FGD6: variants seen among roughly 807,000 people sequenced by gnomAD.
The protein encoded by FGD6 is FYVE, RhoGEF and PH domain-containing protein 6.
Under a neutral mutation model 149.4 loss-of-function variants are expected in FGD6, and 90 were observed. That is an observed-to-expected ratio of 0.60 (90% CI 0.51 to 0.72). FGD6 has a LOEUF of 0.72. Ranked by LOEUF, FGD6 falls within the 30% of genes least tolerant of loss-of-function variation. FGD6 has a pLI of 0.00. For missense variants in FGD6, 1,437 were observed against 1,684.8 expected (o/e 0.85, Z 2.57); for synonymous variants, 527 against 584.0 (o/e 0.90, Z 1.41).
At chr12:95,124,322 GCTGTT>G (rs1879274755) in intron 8 of FGD6, among the ~76,000 whole-genome samples, 2 of 152,184 alleles carry the variant, frequency 1.3e-5, no homozygotes, top group Admixed American at 6.5e-5. Flanking sequence ...CTTAAAAGAA[GCTGTT>G]ACCCATATTT....
chr12:95,201,471 C>G (rs538984347), intron 2 of FGD6, among the ~76,000 whole-genome samples: 1 of 152,064 alleles, frequency 6.6e-6, no homozygotes, highest in Non-Finnish European at 1.5e-5. Context: ...TTCTTGTGGG[C>G]GGGCTGGGAA....
At position 95,193,732 on chromosome 12, in the gene FGD6, T is replaced by C. The variant is rs1026674875; in HGVS notation, c.2441+15111A>G. 5.9e-5 allele frequency among the ~76,000 whole-genome samples: 9 copies of C among 152,156 alleles called. No individual in the cohort carries two copies. The East Asian group carries it at 1.5e-3, about 26-fold the overall frequency. On this transcript the variant is annotated intron_variant, in intron 2 of 20. Transcript: ENST00000343958. The stretch of plus-strand genomic sequence containing the variant: ...TCAGTAGAGACAGGGTTTCACCATG[T>C]TGGCCAGGCTGGTCTCAAACTCCTG...
intron 3 of FGD6, among the ~76,000 whole-genome samples, chr12:95,168,969 G>GGTGTGGCT (rs1880908340): frequency 6.6e-6 from 1 of 152,252 alleles, no homozygotes; most frequent in African/African-American, 2.4e-5. Context: ...GCTGTGGCCA[G>GGTGTGGCT]ATGGATTAAC....
chr12:95,119,916 T>C (rs1415253113), intron 8 of FGD6, among the ~76,000 whole-genome samples: 1 of 151,420 alleles, frequency 6.6e-6, no homozygotes, highest in Non-Finnish European at 1.5e-5. Context: ...CAAGACTCCA[T>C]CTCAAAAAAA....
At chr12:95,200,489 T>C (rs1237497046) in intron 2 of FGD6, among the ~76,000 whole-genome samples, 4 of 152,192 alleles carry the variant, frequency 2.6e-5, no homozygotes, top group Non-Finnish European at 1.5e-5. Context: ...TCATTTTTCA[T>C]GAAATCACTT....
intron 2 of FGD6, among the ~76,000 whole-genome samples, chr12:95,191,462 C>T (rs999952091): frequency 2.0e-5 from 3 of 152,202 alleles, no homozygotes; most frequent in Non-Finnish European, 4.4e-5. Context: ...ACTCAAAATG[C>T]AGCTGGATTC....
In FGD6 at chr12:95,192,024, G is replaced by A. The variant is rs1321803000; in HGVS notation, c.2441+16819C>T. On this transcript the variant is annotated intron_variant, in intron 2 of 20. Transcript: ENST00000343958. ...ATTACAGGCATGAGCCACCACTCGC[G>A]GCTCCTCCTGTATACTTTAAATCAC... Among the ~76,000 whole-genome samples, 3 of 152,100 alleles carry A rather than the reference G, an allele frequency of 2.0e-5. No homozygotes were observed. The East Asian group carries it at 5.8e-4, about 29-fold the overall frequency.
intron 14 of FGD6, chr12:95,100,681 T>C: frequency 1.9e-6 from 1 of 539,108 alleles, no homozygotes; most frequent in Non-Finnish European, 3.8e-6. Flanking sequence ...GGCACCAGAA[T>C]TCACCAAGAG....
At chr12:95,149,330 A>AATATATTATATAATATATATC (rs1880212340) in intron 5 of FGD6, among the ~76,000 whole-genome samples, 1 of 90,556 alleles carries the variant, frequency 1.1e-5, no homozygotes, top group African/African-American at 4.4e-5. Context: ...TATATTATAT[A>AATATATTATATAATATATATC]ATATATTATA....
chr12:95,202,062 T>C (rs1372780339), intron 2 of FGD6, among the ~76,000 whole-genome samples: 1 of 152,016 alleles, frequency 6.6e-6, no homozygotes, highest in Non-Finnish European at 1.5e-5. Context: ...AAAATATGTC[T>C]CTAAAAGTGT....
At position 95,094,838 on chromosome 12, in the gene FGD6, G is replaced by C. The variant is rs939626825; in HGVS notation, c.3498-144C>G. 8.0e-6 allele frequency: 5 copies of C among 626,218 alleles called. No individual in the cohort carries two copies. The East Asian group carries it at 1.3e-4, about 17-fold the overall frequency. The allele number at this position is 626,218 out of a possible 1,614,324, so 38.8% of individuals were successfully genotyped here. A position where few individuals can be genotyped will look rare whatever the true frequency, so the allele number is the denominator to read the frequency against. On this transcript the variant is annotated intron_variant, in intron 14 of 20. Transcript: ENST00000343958. ...GTAGCAACTCCTCAGAGTTGAGGCA[G>C]GTTTAGTGAACAGATCATCAGAACA...
rs1276700389 is a variant in FGD6, at chr12:95,089,682, G to A, written c.3865C>T (p.Pro1289Ser). ...ELQKLDHQHS[P>S]RIGSPGNHKS... ...TGATTTCCAGGAGATCCAATCCTAG[G>A]GGAGTGCTGGTGATCTAGAACAAAT... Residue 1289 changes from proline (P) to serine (S), a missense_variant, in exon 18 of 21, where the codon CCT becomes TCT. This residue lies in a region of FGD6 where 382 missense variants were observed against 538.7 expected (regional missense o/e 0.71). Coordinates refer to ENST00000343958, the MANE Select transcript of FGD6 (RefSeq NM_018351.4). 13 of 1,613,716 alleles carry A rather than the reference G, an allele frequency of 8.1e-6. No homozygotes were observed. Among genetic ancestry groups the A allele is most frequent in the Non-Finnish European group, 1.0e-5 (12 of 1,179,768 alleles).
intron 3 of FGD6, among the ~76,000 whole-genome samples, chr12:95,155,428 T>C (rs1258871016): frequency 6.6e-6 from 1 of 152,120 alleles, no homozygotes; most frequent in African/African-American, 2.4e-5. Context: ...CTCGGGAGGC[T>C]GAGGCAGGAG....
intron 6 of FGD6, 63 bp downstream of exon 6, chr12:95,141,325 G>A (rs1879835374): frequency 6.6e-7 from 1 of 1,509,916 alleles, no homozygotes; most frequent in South Asian, 1.2e-5. Context: ...TCACATGTGG[G>A]GCCCTTATGG....
intron 2 of FGD6, among the ~76,000 whole-genome samples, chr12:95,195,373 C>G (rs1414109319): frequency 1.3e-5 from 2 of 151,998 alleles, no homozygotes; most frequent in Non-Finnish European, 2.9e-5. Flanking sequence ...ATAACAAAAG[C>G]CTTCAGAGCA....
rs561553370 is a variant in FGD6, at chr12:95,102,405, C to T, written c.3497+2602G>A. ...GCTGCAGTCAGCCGAGATCGTGCCA[C>T]TGCACTCCAGCCTGGGTGACAGAGC... On this transcript the variant is annotated intron_variant, in intron 14 of 20. Transcript: ENST00000343958. 2.1e-5 allele frequency among the ~76,000 whole-genome samples: 3 copies of T among 142,140 alleles called. No individual in the cohort carries two copies. In the South Asian group the frequency reaches 6.9e-4, roughly 33 times the overall value. 93.2% of individuals were successfully genotyped at this position (142,140 alleles called of 152,430 possible). A position where few individuals can be genotyped will look rare whatever the true frequency, so the allele number is the denominator to read the frequency against.
At chr12:95,188,160 A>C (rs930192781) in intron 2 of FGD6, among the ~76,000 whole-genome samples, 16 of 91,128 alleles carry the variant, frequency 1.8e-4, no homozygotes, top group Non-Finnish European at 4.0e-4. Flanking sequence ...TATAAAGCAA[A>C]GAGTCCTATT....
chr12:95,213,334 C>T (rs938154402), intron 1 of FGD6, among the ~76,000 whole-genome samples: 2 of 152,044 alleles, frequency 1.3e-5, no homozygotes, highest in Admixed American at 6.5e-5. Context: ...ATCCCAGCAC[C>T]TTGGGAGGGC....
chr12:95,103,379 G>A (rs1212080016), intron 14 of FGD6, among the ~76,000 whole-genome samples: 1 of 152,062 alleles, frequency 6.6e-6, no homozygotes, highest in South Asian at 2.1e-4. Flanking sequence ...ACCCACTTCC[G>A]CCACTCAGTC....
Sources: gnomAD v4.1 joint callset for allele counts (sites outside exome capture counted in the v4.1 genomes callset) on GRCh38, gnomAD v4.1.1 for gene constraint, gnomAD v4.1.1 regional missense constraint, MANE v1.5 for transcripts, NCBI Gene and HGNC (gene_info 2026-07-23, HGNC 2026-07-21) for gene names.